Variants in ZSCAN32 observed in about 807,000 individuals in gnomAD.
ZSCAN32 encodes zinc finger and SCAN domain-containing protein 32.
A neutral mutation model predicts 47.4 loss-of-function variants in ZSCAN32; 52 were observed. That is an observed-to-expected ratio of 1.10 (90% CI 0.88 to 1.38). The LOEUF (loss-of-function observed/expected upper bound fraction) is 1.38. ZSCAN32 is among the 40% of genes most tolerant of loss of function. The pLI is 0.00. For synonymous variants in ZSCAN32, 346 were observed against 305.7 expected, an observed-to-expected ratio of 1.13 and a Z score of -1.38; for missense variants, 959 against 846.0, an observed-to-expected ratio of 1.13 and a Z score of -1.66.
At chr16:3,400,569 G>A (rs1240775368) in intron 1 of ZSCAN32, among the ~76,000 whole-genome samples, 1 of 152,220 alleles carries the variant, frequency 6.6e-6, no homozygotes, top group Non-Finnish European at 1.5e-5. Flanking sequence ...TGTAGCATGA[G>A]GATGGGGAGC....
chr16:3,384,142 G>A (rs1282123556), intron 6 of ZSCAN32: 2 of 538,574 alleles, frequency 3.7e-6, no homozygotes, highest in Non-Finnish European at 6.5e-6. Flanking sequence ...GGCTGTGAAA[G>A]GCAAGGCCAT....
intron 2 of ZSCAN32, among the ~76,000 whole-genome samples, chr16:3,396,563 A>G (rs993940876): frequency 3.3e-5 from 5 of 151,964 alleles, no homozygotes; most frequent in Admixed American, 3.3e-4. Flanking sequence ...GACTTACCCA[A>G]TTTCAGTTGC....
In ZSCAN32 at chr16:3,393,202, T is replaced by TTATATATATAGAAATATA. The variant is rs1270666033; in HGVS notation, c.532+446_532+447insTATATTTCTATATATATA. On this transcript the variant is annotated intron_variant, in intron 3 of 6. Coordinates refer to ENST00000396852, the MANE Select transcript of ZSCAN32 (RefSeq NM_001284527.2). ...TATATTTCTATATTTATATATATAT[T>TTATATATATAGAAATATA]TATATTTATATATATATATATATAT... Among the ~76,000 whole-genome samples, 54 of 23,234 alleles carry TTATATATATAGAAATATA rather than the reference T, an allele frequency of 2.3e-3. 4 individuals are homozygous for TTATATATATAGAAATATA. Among genetic ancestry groups the TTATATATATAGAAATATA allele is most frequent in the African/African-American group, 0.018 (52 of 2,860 alleles). 15.2% of individuals were successfully genotyped at this position (23,234 alleles called of 152,430 possible).
At position 3,382,906 on chromosome 16, in the gene ZSCAN32, C is replaced by G. The variant is rs1596434859; in HGVS notation, c.2040G>C (p.Gln680His). The G allele has an allele frequency of 8.7e-6, 14 of 1,608,006 alleles. No homozygotes were observed. The East Asian group carries it at 3.1e-4, about 36-fold the overall frequency. The change falls in exon 7 of 7, where the codon CAG (glutamine) becomes CAC (histidine). Residue 680 changes from glutamine (Q) to histidine (H), a missense_variant. Physicochemically the swap from Gln to His is conservative, Grantham distance 24 (BLOSUM62 0). Coordinates refer to ENST00000396852, the MANE Select transcript of ZSCAN32 (RefSeq NM_001284527.2). ...FTKNSALTRHQTVHMKAVLSS... is the reference protein window; with the variant it reads ...FTKNSALTRHHTVHMKAVLSS... ...AGAGTACTGCTTTCATGTGTACTGT[C>G]TGATGACGGGTGAGGGCAGAGTTCT...
At position 3,383,519 on chromosome 16, in the gene ZSCAN32, G is replaced by C; in HGVS notation, c.1427C>G (p.Thr476Ser). Residue 476 changes from threonine (T) to serine (S), a missense_variant, in exon 7 of 7, where the codon ACC (threonine) becomes AGC (serine). Thr to Ser is a moderately conservative substitution (Grantham distance 58). Coordinates refer to ENST00000396852, the MANE Select transcript of ZSCAN32 (RefSeq NM_001284527.2). ...GTGACTCATCTTCTCCTGGGATGGGGTTTTCTCCTCACTCTCCCCTGGAGA... is the reference window on the plus strand; with the variant it reads ...GTGACTCATCTTCTCCTGGGATGGGCTTTTCTCCTCACTCTCCCCTGGAGA... The part of the protein sequence containing the change: ...RNSPGESEEK[T>S]PSQEKMSHQS... The C allele has an allele frequency of 1.2e-6, 2 of 1,613,984 alleles. No homozygotes were observed. Among genetic ancestry groups the C allele is most frequent in the Non-Finnish European group, 1.7e-6 (2 of 1,179,976 alleles).
At chr16:3,387,464 C>A (rs983291305) in intron 5 of ZSCAN32, among the ~76,000 whole-genome samples, 3 of 152,246 alleles carry the variant, frequency 2.0e-5, no homozygotes, top group African/African-American at 4.8e-5. Flanking sequence ...CTGAGAAGAG[C>A]AGTTCAGGAT....
intron 1 of ZSCAN32, among the ~76,000 whole-genome samples, chr16:3,398,508 C>T (rs769742120): frequency 6.6e-6 from 1 of 152,192 alleles, no homozygotes; most frequent in Non-Finnish European, 1.5e-5. Context: ...TAAACTCTTT[C>T]TCTATTGCAG....
chr16:3,396,110 G>C (rs1323957807), intron 2 of ZSCAN32, among the ~76,000 whole-genome samples: 2 of 152,168 alleles, frequency 1.3e-5, no homozygotes, highest in Non-Finnish European at 2.9e-5. Context: ...ATGACTCTTG[G>C]CATACTGGGA....
In ZSCAN32 at chr16:3,383,577, T is replaced by C. The variant is rs749716598; in HGVS notation, c.1369A>G (p.Ser457Gly). ...WHSELQKGLESEPTSRRQCRN... is the reference protein window; with the variant it reads ...WHSELQKGLEGEPTSRRQCRN... ...CATTGCCTTCTTGATGTTGGCTCAC[T>C]CTCCAAGCCTTTTTGTAGCTCAGAG... The change falls in exon 7 of 7, where the codon AGT (serine) becomes GGT (glycine). Residue 457 changes from serine (S) to glycine (G), a missense_variant. Transcript: ENST00000396852. 6.2e-7 allele frequency: 1 copy of C among 1,614,000 alleles called. No individual in the cohort carries two copies. Among genetic ancestry groups the C allele is most frequent in the Admixed American group, 1.7e-5 (1 of 60,002 alleles).
intron 1 of ZSCAN32, among the ~76,000 whole-genome samples, chr16:3,400,607 A>T (rs1050298062): frequency 3.3e-5 from 5 of 152,212 alleles, no homozygotes; most frequent in Admixed American, 2.6e-4. Context: ...CACTTAGTTA[A>T]CTATTTATTG....
intron 6 of ZSCAN32, chr16:3,383,956 T>G: frequency 2.0e-6 from 1 of 506,002 alleles, no homozygotes; most frequent in Non-Finnish European, 3.4e-6. Context: ...TCTGACACAA[T>G]GACAAACTGA....
At chr16:3,390,683 G>A (rs1460006153) in intron 3 of ZSCAN32, among the ~76,000 whole-genome samples, 166 bp from the exon 4 acceptor site, 1 of 152,176 alleles carries the variant, frequency 6.6e-6, no homozygotes, top group African/African-American at 2.4e-5. Context: ...GGAAATTCTG[G>A]AGGTGGGGCC....
intron 6 of ZSCAN32, chr16:3,384,069 T>C (rs544825187): frequency 5.5e-5 from 25 of 455,702 alleles, no homozygotes; most frequent in African/African-American, 4.8e-4. Context: ...AAGGCAACCC[T>C]GGGCTTGGCC....
chr16:3,384,868 T>C lies in ZSCAN32; in HGVS notation c.825A>G (p.Gly275=). 6.2e-7 allele frequency: 1 copy of C among 1,614,140 alleles called. No homozygotes were observed. The highest frequency in any genetic ancestry group is 8.5e-7 in the Non-Finnish European group (1 of 1,180,018). The change falls in exon 6 of 7, where the codon GGA becomes GGG. Residue 275 remains glycine, a synonymous_variant. Coordinates refer to ENST00000396852, the MANE Select transcript of ZSCAN32 (RefSeq NM_001284527.2). The part of the protein sequence containing the change: ...LAILSSSQFY[G]KLQTCQQNSQ... ...TGTTCTGCTGACAGGTCTGGAGTTT[T>C]CCATAAAATTGAGAACTACTAAGAA...
Position 3,390,497 on chromosome 16 carries a change from G to T in ZSCAN32, c.553C>A (p.Pro185Thr), listed in dbSNP as rs1438737157. The T allele has an allele frequency of 6.5e-7, 1 of 1,548,950 alleles. No individual in the cohort carries two copies. Among genetic ancestry groups the T allele is most frequent in the African/African-American group, 1.4e-5 (1 of 72,992 alleles). ...QSEAWLAPQA[P>T]RNLPQNTGLH... ...CCTGTGTTTTGAGGCAGGTTCCTGG[G>T]AGCCTGAGGAGCAAGCCAGGCTGGG... Residue 185 changes from proline to threonine, a missense_variant, in exon 4 of 7, where the codon CCC (proline) becomes ACC (threonine). Physicochemically the swap from Pro to Thr is conservative, Grantham distance 38 (BLOSUM62 -1). Coordinates refer to ENST00000396852, the MANE Select transcript of ZSCAN32 (RefSeq NM_001284527.2).
At position 3,397,554 on chromosome 16, in the gene ZSCAN32, T is replaced by A; in HGVS notation, c.4A>T (p.Met2Leu). 1 of 1,530,014 alleles carries A rather than the reference T, an allele frequency of 6.5e-7. No individual in the cohort carries two copies. Among genetic ancestry groups the A allele is most frequent in the South Asian group, 1.2e-5 (1 of 82,280 alleles). 94.8% of individuals were successfully genotyped at this position (1,530,014 alleles called of 1,614,324 possible). The change falls in exon 2 of 7, where the codon ATG becomes TTG. Residue 2 changes from methionine (M) to leucine (L), a missense_variant. By Grantham distance (15) the Met-to-Leu change is conservative (BLOSUM62 2). Transcript: ENST00000396852. Reference sequence around the variant, plus strand: ...GCCTCGGTACTCTTCACTGCAGCCATCATTTGCTTCAACGAACTGGCTTAC... The same window carrying A: ...GCCTCGGTACTCTTCACTGCAGCCAACATTTGCTTCAACGAACTGGCTTAC... Reference protein sequence around the residue: MMAAVKSTEAHP... With the variant: MLAAVKSTEAHP...
At chr16:3,384,406 C>G (rs1278782918) in intron 6 of ZSCAN32, 53 bp downstream of exon 6, 1 of 1,606,318 alleles carries the variant, frequency 6.2e-7, no homozygotes, top group East Asian at 2.2e-5. Flanking sequence ...AGGCTAATGG[C>G]CTCTAAAGTG....
At chr16:3,392,341 TTTATG>T (rs147607674) in intron 3 of ZSCAN32, among the ~76,000 whole-genome samples, 2,675 of 151,988 alleles carry the variant, frequency 0.018, 77 homozygotes, top group African/African-American at 0.058. Flanking sequence ...AATGGTTAAT[TTTATG>T]TTATGTGACC....
chr16:3,388,426 C>T (rs2150881162), intron 5 of ZSCAN32, among the ~76,000 whole-genome samples: 1 of 152,360 alleles, frequency 6.6e-6, no homozygotes, highest in East Asian at 1.9e-4. Flanking sequence ...TGCCCTAGCA[C>T]TCCCATCACG....
Sources: allele counts gnomAD v4.1 joint callset (sites outside exome capture counted in the v4.1 genomes callset), GRCh38; gene constraint gnomAD v4.1.1; transcripts MANE v1.5; gene names NCBI Gene and HGNC (gene_info 2026-07-23, HGNC 2026-07-21).